PCDH11X: variants seen among roughly 807,000 people sequenced by gnomAD.
The protein encoded by PCDH11X is protocadherin 11 X-linked.
PCDH11X carries 18 observed loss-of-function variants against 53.3 expected under a neutral mutation model. The ratio of observed to expected loss-of-function variants is 0.34; its 90% CI spans 0.23 to 0.50. The LOEUF is 0.50. Among genes scored for constraint, PCDH11X ranks in the 20% least tolerant of loss-of-function variants. The pLI is 0.98. For missense variants in PCDH11X, 570 were observed against 1,032.4 expected, an observed-to-expected ratio of 0.55 and a Z score of 6.14; for synonymous variants, 279 against 393.3, an observed-to-expected ratio of 0.71 and a Z score of 3.44.
chrX:92,268,683 T>C (rs1328947147), intron 8 of PCDH11X, among the ~76,000 whole-genome samples: 1 of 111,779 alleles, frequency 8.9e-6, no homozygotes, highest in Non-Finnish European at 1.9e-5. Context: ...GCTTCTTGCT[T>C]TGGAACAGAT....
intron 10 of PCDH11X, among the ~76,000 whole-genome samples, chrX:92,548,667 C>T (rs1382044830): frequency 9.1e-6 from 1 of 109,656 alleles, no homozygotes; most frequent in African/African-American, 3.3e-5. Context: ...CCCTTATCTC[C>T]CACAATGCTA....
At chrX:92,098,775 G>A (rs1241262053) in intron 6 of PCDH11X, among the ~76,000 whole-genome samples, 1 of 107,418 alleles carries the variant, frequency 9.3e-6, no homozygotes, top group Non-Finnish European at 1.9e-5. Flanking sequence ...AGCCTCCCGA[G>A]TAGCTGGGAT....
chrX:92,160,803 T>G (rs1428275637), intron 6 of PCDH11X, among the ~76,000 whole-genome samples: 6 of 110,525 alleles, frequency 5.4e-5, no homozygotes, highest in Non-Finnish European at 1.1e-4. Context: ...AGTATAGAAG[T>G]GTTCCCTTTT....
rs1204989286 is a variant in PCDH11X, at chrX:92,322,488, A to T, written c.3144+59345A>T. Among the ~76,000 whole-genome samples, 4 of 111,362 alleles carry T rather than the reference A, an allele frequency of 3.6e-5. No homozygotes were observed. In the South Asian group the frequency reaches 1.5e-3, roughly 42 times the overall value. The stretch of plus-strand genomic sequence containing the variant: ...AGGAAAATAGGAAGAAGTGGGCTTA[A>T]TCGTAGGGACTCGGGTATAGTCTAT... On this transcript the variant is annotated intron_variant, in intron 8 of 10. Coordinates refer to ENST00000682573, the MANE Select transcript of PCDH11X (RefSeq NM_032968.5).
chrX:92,302,693 C>A (rs1300206949), intron 8 of PCDH11X, among the ~76,000 whole-genome samples: 1 of 106,877 alleles, frequency 9.4e-6, no homozygotes. Context: ...AATGCAGCAC[C>A]CATGTACTAT....
chrX:92,290,880 C>A (rs1355522071), intron 8 of PCDH11X, among the ~76,000 whole-genome samples: 1 of 103,912 alleles, frequency 9.6e-6, no homozygotes, highest in Non-Finnish European at 1.9e-5. Flanking sequence ...GAAAGATGAA[C>A]TGAGAAACAT....
chrX:92,231,070 C>A (rs2067067533), intron 7 of PCDH11X, among the ~76,000 whole-genome samples: 1 of 111,417 alleles, frequency 9.0e-6, no homozygotes, highest in Non-Finnish European at 1.9e-5. Context: ...GCAAAGACAG[C>A]AGCTTGAGGC....
At chrX:92,269,965 C>T (rs76376110) in intron 8 of PCDH11X, among the ~76,000 whole-genome samples, 7,795 of 111,012 alleles carry the variant, frequency 0.07, 475 homozygotes, top group East Asian at 0.27. Context: ...TTTCTCTCGA[C>T]TTTTCTGGAA....
chrX:91,820,232 C>A (rs1300521106), intron 4 of PCDH11X, among the ~76,000 whole-genome samples: 1 of 81,188 alleles, frequency 1.2e-5, no homozygotes, highest in African/African-American at 6.0e-5. Context: ...TTCTAGATCC[C>A]TGAGGAATCG....
intron 10 of PCDH11X, among the ~76,000 whole-genome samples, chrX:92,541,843 G>A (rs2074764385): frequency 9.0e-6 from 1 of 110,700 alleles, no homozygotes; most frequent in Non-Finnish European, 1.9e-5. Flanking sequence ...CAGCTACTTG[G>A]GAGGCTGAGG....
At chrX:92,328,237 GC>G (rs894053665) in intron 8 of PCDH11X, among the ~76,000 whole-genome samples, 17 of 110,737 alleles carry the variant, frequency 1.5e-4, no homozygotes, top group African/African-American at 5.6e-4. Flanking sequence ...GCATGATTGG[GC>G]CCTCGTAGTA....
chrX:92,222,125 T>C (rs1328103644), intron 7 of PCDH11X, among the ~76,000 whole-genome samples: 2 of 96,868 alleles, frequency 2.1e-5, no homozygotes, highest in Non-Finnish European at 4.3e-5. Context: ...TGAGCCACCA[T>C]GCCCAGCCTC....
intron 6 of PCDH11X, among the ~76,000 whole-genome samples, chrX:92,101,051 G>T (rs2064238426): frequency 9.0e-6 from 1 of 111,702 alleles, no homozygotes; most frequent in South Asian, 3.8e-4. Context: ...TGCCTAAGGA[G>T]ATTCAGCATA....
intron 10 of PCDH11X, among the ~76,000 whole-genome samples, chrX:92,531,053 G>C (rs990657790): frequency 1.8e-5 from 2 of 110,579 alleles, no homozygotes; most frequent in Non-Finnish European, 3.8e-5. Flanking sequence ...AAATAGAAAG[G>C]CTTCCTTAAA....
At chrX:92,336,153 A>C (rs896188991) in intron 8 of PCDH11X, among the ~76,000 whole-genome samples, 1 of 111,993 alleles carries the variant, frequency 8.9e-6, no homozygotes, top group Non-Finnish European at 1.9e-5. Flanking sequence ...TGTCATATAA[A>C]TATGTCAAAA....
chrX:91,929,647 CA>C (rs989025127), intron 6 of PCDH11X, among the ~76,000 whole-genome samples: 8 of 110,848 alleles, frequency 7.2e-5, no homozygotes, highest in African/African-American at 2.0e-4. Context: ...CTATTAAAAG[CA>C]GTAATCTCCG....
At chrX:92,333,103 T>G (rs2069532737) in intron 8 of PCDH11X, among the ~76,000 whole-genome samples, 1 of 109,183 alleles carries the variant, frequency 9.2e-6, no homozygotes, top group Non-Finnish European at 1.9e-5. Context: ...CTAAAAACTA[T>G]TAGGGTTTAA....
intron 6 of PCDH11X, among the ~76,000 whole-genome samples, chrX:92,158,735 A>C (rs1454456246): frequency 1.8e-5 from 2 of 110,024 alleles, no homozygotes; most frequent in East Asian, 5.8e-4. Context: ...TCCTAGGTTT[A>C]AGCGATTCTC....
At chrX:92,105,426 G>C (rs2064357838) in intron 6 of PCDH11X, among the ~76,000 whole-genome samples, 1 of 110,151 alleles carries the variant, frequency 9.1e-6, no homozygotes, top group Non-Finnish European at 1.9e-5. Flanking sequence ...TCTGAGTCAC[G>C]GCACCAAATT....
Sources: allele counts gnomAD v4.1 joint callset (sites outside exome capture counted in the v4.1 genomes callset), GRCh38; gene constraint gnomAD v4.1.1; transcripts MANE v1.5; gene names NCBI Gene and HGNC (gene_info 2026-07-23, HGNC 2026-07-21).